Variants in PDE3A observed in about 807,000 individuals in gnomAD.
PDE3A encodes the protein phosphodiesterase 3A.
In PDE3A, 43 loss-of-function variants were observed where a neutral mutation model predicts 98.3. The ratio of observed to expected loss-of-function variants is 0.44; its 90% confidence interval spans 0.34 to 0.56. PDE3A has a LOEUF of 0.56. Among genes scored for constraint, PDE3A ranks in the 20% least tolerant of loss-of-function variants. PDE3A has a pLI of 0.01. For missense variants in PDE3A, 1,427 were observed against 1,440.7 expected (o/e 0.99, Z 0.15); for synonymous variants, 663 against 567.9 (o/e 1.17, Z -2.38).
At chr12:20,614,155 A>G (rs1943940914) in intron 3 of PDE3A, among the ~76,000 whole-genome samples, 1 of 5,634 alleles carries the variant, frequency 1.8e-4, no homozygotes, top group Non-Finnish European at 4.8e-3. Context: ...TGACTTTCCA[A>G]TACACAGTTT....
chr12:20,517,748 A>T (rs1946349609), intron 1 of PDE3A, among the ~76,000 whole-genome samples: 1 of 152,160 alleles, frequency 6.6e-6, no homozygotes, highest in Admixed American at 6.5e-5. Flanking sequence ...TAGGTCAGGG[A>T]AATGTCATGT....
intron 1 of PDE3A, among the ~76,000 whole-genome samples, chr12:20,516,915 CT>C (rs1160079416): frequency 6.6e-6 from 1 of 152,130 alleles, no homozygotes; most frequent in African/African-American, 2.4e-5. Context: ...GGATGAGGAA[CT>C]CTTTTCTCCC....
In PDE3A at chr12:20,686,616, G is replaced by T. The variant is rs7975280; in HGVS notation, c.*6345G>T. Among the ~76,000 whole-genome samples the T allele has an allele frequency of 0.071, 10,798 of 152,122 alleles. 852 individuals are homozygous for T. The highest frequency in any genetic ancestry group is 0.19 in the African/African-American group (7,980 of 41,510). On this transcript the variant is annotated 3_prime_UTR_variant, in exon 16 of 16. Coordinates refer to ENST00000359062, the MANE Select transcript of PDE3A (RefSeq NM_000921.5). Reference sequence around the variant, plus strand: ...TTTCAAATTAAACAAACTACAGCAGGATATTTTTCCTTTCCTGTTTCAAAA... The same window carrying T: ...TTTCAAATTAAACAAACTACAGCAGTATATTTTTCCTTTCCTGTTTCAAAA...
chr12:20,586,421 C>T lies in PDE3A; in HGVS notation c.1012-27022C>T, dbSNP rs1943199891. ...CCTAGTGGGACTGCGTCATATTCCT[C>T]ATGTAAGTTGGAGTAGGATTAAAAG... On this transcript the variant is annotated intron_variant, in intron 2 of 15. Coordinates refer to ENST00000359062, the MANE Select transcript of PDE3A (RefSeq NM_000921.5). Among the ~76,000 whole-genome samples, 3 of 152,194 alleles carry T rather than the reference C, an allele frequency of 2.0e-5. No individual in the cohort carries two copies. The South Asian group carries it at 6.2e-4, about 32-fold the overall frequency.
intron 15 of PDE3A, among the ~76,000 whole-genome samples, chr12:20,668,553 G>C (rs1945384554): frequency 6.6e-6 from 1 of 152,198 alleles, no homozygotes; most frequent in Non-Finnish European, 1.5e-5. Flanking sequence ...TGACCCCTGA[G>C]CAGCCTAACT....
chr12:20,633,200 C>T (rs903427604), intron 6 of PDE3A, among the ~76,000 whole-genome samples: 5 of 152,126 alleles, frequency 3.3e-5, no homozygotes, highest in African/African-American at 1.2e-4. Flanking sequence ...GTCCACCTGC[C>T]TTGGCCTCGA....
rs558577160 is a variant in PDE3A at position 20,467,546 on chromosome 12, A to G, written c.961-89114A>G. Among the ~76,000 whole-genome samples, 70 of 152,280 alleles carry G rather than the reference A, an allele frequency of 4.6e-4. No individual in the cohort carries two copies. The Middle Eastern group carries it at 0.01, about 22-fold the overall frequency. On this transcript the variant is annotated intron_variant, in intron 1 of 15. Transcript: ENST00000359062. ...GATACACTATTAAAAACATTGAAAT[A>G]TACATCTGCCGTTATCTTTTACTAG...
rs187236635 is a variant in PDE3A at position 20,410,915 on chromosome 12, T to G, written c.960+40671T>G. On this transcript the variant is annotated intron_variant, in intron 1 of 15. Coordinates refer to ENST00000359062, the MANE Select transcript of PDE3A (RefSeq NM_000921.5). ...TTCTGTCCACAGAGCCCTTATCTCTTGTCTCCAGAAACCTATGAAACATTT... is the reference window on the plus strand; with the variant it reads ...TTCTGTCCACAGAGCCCTTATCTCTGGTCTCCAGAAACCTATGAAACATTT... Among the ~76,000 whole-genome samples, 4 of 152,308 alleles carry G rather than the reference T, an allele frequency of 2.6e-5. No homozygotes were observed. The East Asian group carries it at 7.7e-4, about 29-fold the overall frequency.
intron 1 of PDE3A, among the ~76,000 whole-genome samples, chr12:20,398,676 G>T (rs1944065583): frequency 6.6e-6 from 1 of 152,042 alleles, no homozygotes; most frequent in Admixed American, 6.5e-5. Flanking sequence ...AAACAGACAT[G>T]TTGACAAGTT....
At position 20,468,610 on chromosome 12, in the gene PDE3A, A is replaced by T. The variant is rs1019897109; in HGVS notation, c.961-88050A>T. On this transcript the variant is annotated intron_variant, in intron 1 of 15. Coordinates refer to ENST00000359062, the MANE Select transcript of PDE3A (RefSeq NM_000921.5). ...ACACTGTGCTTCCCCTTCTATACAC[A>T]GCTTCCCTGTAGCTCCCCTCTATAC... 6.6e-5 allele frequency among the ~76,000 whole-genome samples: 10 copies of T among 152,298 alleles called. No individual in the cohort carries two copies. The South Asian group carries it at 1.0e-3, about 16-fold the overall frequency.
intron 9 of PDE3A, among the ~76,000 whole-genome samples, chr12:20,637,472 G>C (rs1944543799): frequency 6.7e-6 from 1 of 149,378 alleles, no homozygotes; most frequent in Non-Finnish European, 1.5e-5. Flanking sequence ...AGACAAAGTA[G>C]GTGGGGATAG....
Position 20,369,260 on chromosome 12 carries a change from TTC to T in PDE3A, c.-24_-23del. 6.8e-7 allele frequency: 1 copy of T among 1,461,208 alleles called. No homozygotes were observed. The highest frequency in any genetic ancestry group is 9.1e-7 in the Non-Finnish European group (1 of 1,099,510). 90.5% of individuals were successfully genotyped at this position (1,461,208 alleles called of 1,614,324 possible). A position where few individuals can be genotyped will look rare whatever the true frequency, so the allele number is the denominator to read the frequency against. On this transcript the variant is annotated 5_prime_UTR_variant, in exon 1 of 16. Coordinates refer to ENST00000359062, the MANE Select transcript of PDE3A (RefSeq NM_000921.5). ...GGGGGCGTCGGGGGGCCACTGGGAA[TTC>T]AGTGAAGAGGGCACCCTATACCATG...
Position 20,605,028 on chromosome 12 carries a change from G to C in PDE3A, c.1012-8415G>C, listed in dbSNP as rs1009788881. Among the ~76,000 whole-genome samples, 5 of 152,056 alleles carry C rather than the reference G, an allele frequency of 3.3e-5. No homozygotes were observed. In the South Asian group the frequency reaches 1.0e-3, roughly 32 times the overall value. ...TTGTATCTCCCCTACTTAAATCAAG[G>C]GAAATACATTCTTAGGCTCTCACCC... On this transcript the variant is annotated intron_variant, in intron 2 of 15. Coordinates refer to ENST00000359062, the MANE Select transcript of PDE3A (RefSeq NM_000921.5).
chr12:20,509,223 C>T (rs77548488), intron 1 of PDE3A, among the ~76,000 whole-genome samples: 4,113 of 152,146 alleles, frequency 0.027, 185 homozygotes, highest in African/African-American at 0.094. Context: ...CAGTAGGAAA[C>T]ACCACATCTG....
At chr12:20,535,555 G>A (rs1941727730) in intron 1 of PDE3A, among the ~76,000 whole-genome samples, 1 of 152,078 alleles carries the variant, frequency 6.6e-6, no homozygotes, top group Non-Finnish European at 1.5e-5. Context: ...GTTATTTTGA[G>A]GATTTTTAAA....
intron 1 of PDE3A, among the ~76,000 whole-genome samples, chr12:20,512,425 T>C (rs1194814188): frequency 6.6e-6 from 1 of 152,074 alleles, no homozygotes; most frequent in Non-Finnish European, 1.5e-5. Context: ...ACAAATCCGA[T>C]AAGTACTATT....
intron 6 of PDE3A, among the ~76,000 whole-genome samples, chr12:20,631,243 T>A (rs1346259973): frequency 2.0e-5 from 3 of 152,192 alleles, no homozygotes; most frequent in Non-Finnish European, 2.9e-5. Flanking sequence ...TGCAGGATAT[T>A]AATCTCATCT....
chr12:20,566,501 C>T (rs1942659733), intron 2 of PDE3A, among the ~76,000 whole-genome samples: 1 of 150,506 alleles, frequency 6.6e-6, no homozygotes, highest in Admixed American at 6.7e-5. Context: ...ATCAGCGATA[C>T]ACACTTAAAA....
chr12:20,661,795 G>T (rs557553162), intron 15 of PDE3A, among the ~76,000 whole-genome samples: 1 of 152,314 alleles, frequency 6.6e-6, no homozygotes, highest in South Asian at 2.1e-4. Flanking sequence ...TGCTGCAGGG[G>T]TGGGGCAGTC....
Sources: allele counts gnomAD v4.1 joint callset (sites outside exome capture counted in the v4.1 genomes callset), GRCh38; gene constraint gnomAD v4.1.1; transcripts MANE v1.5; gene names NCBI Gene and HGNC (gene_info 2026-07-23, HGNC 2026-07-21).